Variants in RAB11FIP4 observed in about 807,000 individuals in gnomAD.
RAB11FIP4 encodes rab11 family-interacting protein 4.
Under a neutral mutation model 74.3 loss-of-function variants are expected in RAB11FIP4, and 23 were observed. The observed-to-expected ratio is 0.31, with a 90% CI of 0.22 to 0.44. The LOEUF (loss-of-function observed/expected upper bound fraction) is 0.44, where lower values mean the gene tolerates loss of function less well. Among genes scored for constraint, RAB11FIP4 ranks in the 20% least tolerant of loss-of-function variants. The probability of loss-of-function intolerance (pLI) is 1.00; values close to 1 mark genes in which losing one functional copy is unlikely to be tolerated. For synonymous variants in RAB11FIP4, 360 were observed against 359.9 expected (o/e 1.00, Z 0.00); for missense variants, 630 against 863.9 (o/e 0.73, Z 3.39).
intron 3 of RAB11FIP4, among the ~76,000 whole-genome samples, chr17:31,482,380 GC>G (rs2071858367): frequency 6.6e-6 from 1 of 151,880 alleles, no homozygotes. Flanking sequence ...ATCACTTGAG[GC>G]CAGTTCAAGA....
intron 3 of RAB11FIP4, among the ~76,000 whole-genome samples, chr17:31,501,325 TAAA>T (rs373057437): frequency 2.1e-5 from 3 of 141,888 alleles, no homozygotes; most frequent in Admixed American, 7.1e-5. Context: ...TATCATAAGT[TAAA>T]AAAAAAAAAA....
chr17:31,415,436 C>G (rs1402575415), intron 1 of RAB11FIP4, among the ~76,000 whole-genome samples: 3 of 152,158 alleles, frequency 2.0e-5, no homozygotes, highest in African/African-American at 7.2e-5. Flanking sequence ...GGTCCCCAAG[C>G]CATTTACTTG....
In RAB11FIP4 at chr17:31,402,596, A is replaced by T. The variant is rs868116162; in HGVS notation, c.159+10585A>T. Among the ~76,000 whole-genome samples the T allele has an allele frequency of 3.8e-3, 360 of 95,184 alleles. 5 individuals are homozygous for T. The highest frequency in any genetic ancestry group is 0.017 in the African/African-American group (340 of 20,296). The allele number at this position is 95,184 out of a possible 152,430, so 62.4% of individuals were successfully genotyped here. On this transcript the variant is annotated intron_variant, in intron 1 of 14. Transcript: ENST00000621161. ...TGTGAAGGCTCAGATTATTTTATTT[A>T]TTTTTATTTATTTATTTATTTATTT...
intron 3 of RAB11FIP4, among the ~76,000 whole-genome samples, chr17:31,436,996 T>C (rs1713203738): frequency 6.6e-6 from 1 of 152,038 alleles, no homozygotes; most frequent in African/African-American, 2.4e-5. Flanking sequence ...TTCACCATGT[T>C]AGCCAGGATG....
At chr17:31,495,474 A>G (rs2072098920) in intron 3 of RAB11FIP4, among the ~76,000 whole-genome samples, 1 of 150,614 alleles carries the variant, frequency 6.6e-6, no homozygotes, top group Admixed American at 6.7e-5. Flanking sequence ...TCCTGGGCTC[A>G]AGTGATCCTC....
At chr17:31,505,937 C>T (rs1172512667) in intron 3 of RAB11FIP4, among the ~76,000 whole-genome samples, 1 of 148,678 alleles carries the variant, frequency 6.7e-6, no homozygotes, top group East Asian at 2.0e-4. Flanking sequence ...GCCTGGAGCT[C>T]CTGGCCACCT....
chr17:31,521,799 C>A, intron 5 of RAB11FIP4, 116 bp from the exon 6 acceptor site: 1 of 1,187,594 alleles, frequency 8.4e-7, no homozygotes, highest in Non-Finnish European at 1.2e-6. Context: ...CCTGCCCCTC[C>A]CCCGTAACAA....
chr17:31,476,641 C>T lies in RAB11FIP4; in HGVS notation c.337-41010C>T, dbSNP rs138486814. On this transcript the variant is annotated intron_variant, in intron 3 of 14. Transcript: ENST00000621161. ...ATGTGGCCTTGTGATCCAGTGGGGA[C>T]CACAGGGGACCTGGCCTGGAAGAAA... Among the ~76,000 whole-genome samples, 804 of 152,304 alleles carry T rather than the reference C, an allele frequency of 5.3e-3. 4 individuals carry two copies. Among genetic ancestry groups the T allele is most frequent in the Non-Finnish European group, 9.1e-3 (617 of 68,020 alleles).
intron 3 of RAB11FIP4, among the ~76,000 whole-genome samples, chr17:31,459,570 T>C (rs1424632121): frequency 6.6e-6 from 1 of 152,090 alleles, no homozygotes; most frequent in South Asian, 2.1e-4. Flanking sequence ...GACCAAAACC[T>C]TTCTGCAGCT....
chr17:31,404,841 T>C (rs2071028084), intron 1 of RAB11FIP4, among the ~76,000 whole-genome samples: 1 of 152,086 alleles, frequency 6.6e-6, no homozygotes, highest in African/African-American at 2.4e-5. Flanking sequence ...AGAAAGCCTT[T>C]CTGGAGTGGG....
intron 3 of RAB11FIP4, chr17:31,488,250 C>T (rs2071938075): frequency 8.6e-7 from 1 of 1,166,380 alleles, no homozygotes; most frequent in Middle Eastern, 3.5e-4. Context: ...CGGATGCGCA[C>T]CCCGCCAGCT....
At chr17:31,441,813 C>A (rs911208610) in intron 3 of RAB11FIP4, among the ~76,000 whole-genome samples, 25 of 152,134 alleles carry the variant, frequency 1.6e-4, no homozygotes, top group African/African-American at 5.3e-4. Flanking sequence ...GAGGTGTGAG[C>A]CACCATGCCT....
At chr17:31,448,392 A>ATTTTTTTTTTTTTTTGTT (rs2071490153) in intron 3 of RAB11FIP4, 1 of 79,832 alleles carries the variant, frequency 1.3e-5, no homozygotes, top group African/African-American at 5.9e-5. Context: ...CATCCAGCTA[A>ATTTTTTTTTTTTTTTGTT]TTTTTTTTTT....
intron 1 of RAB11FIP4, among the ~76,000 whole-genome samples, chr17:31,399,529 A>G (rs909364026): frequency 6.6e-6 from 1 of 152,000 alleles, no homozygotes; most frequent in African/African-American, 2.4e-5. Context: ...CCTGGCCAAC[A>G]TGGTGAAACC....
At chr17:31,525,503 G>T in intron 10 of RAB11FIP4, 1 of 465,556 alleles carries the variant, frequency 2.1e-6, no homozygotes, top group Non-Finnish European at 3.8e-6. Context: ...GCCTGGGCTG[G>T]GTCTCACATC....
At chr17:31,456,455 C>G (rs982740672) in intron 3 of RAB11FIP4, among the ~76,000 whole-genome samples, 6 of 152,240 alleles carry the variant, frequency 3.9e-5, no homozygotes, top group Middle Eastern at 3.2e-3. Flanking sequence ...GATCCGCCCC[C>G]CTCAGCCTCC....
At chr17:31,522,513 G>C in intron 7 of RAB11FIP4, 118 bp downstream of exon 7, 1 of 1,002,772 alleles carries the variant, frequency 1.0e-6, no homozygotes, top group Non-Finnish European at 1.5e-6. Flanking sequence ...AGTGAGCAGA[G>C]GGGAACGAGG....
Position 31,523,492 on chromosome 17 carries a change from C to A in RAB11FIP4, c.930-20C>A. ...TCTGGAAGGCCCCTGCAGCCAGACA[C>A]CCTCCTCCCACCCCTGCAGGCAGCT... On this transcript the variant is annotated intron_variant, in intron 7 of 14. Transcript: ENST00000621161. 1.2e-6 allele frequency: 2 copies of A among 1,608,298 alleles called. No homozygotes were observed. The highest frequency in any genetic ancestry group is 1.7e-6 in the Non-Finnish European group (2 of 1,174,902).
intron 1 of RAB11FIP4, among the ~76,000 whole-genome samples, chr17:31,428,488 C>T (rs1567652255): frequency 1.3e-5 from 2 of 152,076 alleles, no homozygotes; most frequent in African/African-American, 2.4e-5. Flanking sequence ...TGAGCAGATT[C>T]TGGAAAGAGC....
Sources: gnomAD v4.1 joint callset for allele counts (sites outside exome capture counted in the v4.1 genomes callset) on GRCh38, gnomAD v4.1.1 for gene constraint, MANE v1.5 for transcripts, NCBI Gene and HGNC (gene_info 2026-07-23, HGNC 2026-07-21) for gene names.